The following AFF3 variants were observed in gnomAD, a reference collection of about 807,000 sequenced individuals.
AFF3 encodes ALF transcription elongation factor 3, also known as AF4/FMR2 family member 3.
A neutral mutation model predicts 129.7 loss-of-function variants in AFF3; 32 were observed. That is an observed-to-expected ratio of 0.25 (90% CI 0.19 to 0.33). The LOEUF (loss-of-function observed/expected upper bound fraction) is 0.33. AFF3 is among the 10% of genes least tolerant of loss of function. AFF3 has a pLI of 1.00. For synonymous variants in AFF3, 644 were observed against 635.4 expected, an observed-to-expected ratio of 1.01 and a Z score of -0.20; for missense variants, 1,373 against 1,592.0, an observed-to-expected ratio of 0.86 and a Z score of 2.34.
Position 99,548,479 on chromosome 2 carries a change from G to T in AFF3, c.*2995C>A, listed in dbSNP as rs1013000072. On this transcript the variant is annotated 3_prime_UTR_variant, in exon 25 of 25. Transcript: ENST00000672756. ...AACAAAACTAAACAGGCCAGGCATGGTGGCTCATGCACTTTGGGAGGCCGA... is the reference window on the plus strand; with the variant it reads ...AACAAAACTAAACAGGCCAGGCATGTTGGCTCATGCACTTTGGGAGGCCGA... The T allele has an allele frequency of 5.0e-5, 10 of 198,196 alleles. No homozygotes were observed. In the East Asian group the frequency reaches 7.9e-4, roughly 16 times the overall value. The allele number at this position is 198,196 out of a possible 1,614,324, so 12.3% of individuals were successfully genotyped here.
chr2:100,111,144 C>T (rs1691498172), intron 2 of AFF3, among the ~76,000 whole-genome samples: 1 of 152,204 alleles, frequency 6.6e-6, no homozygotes, highest in Non-Finnish European at 1.5e-5. Flanking sequence ...CTACCCAGAT[C>T]TGGACTTTTA....
intron 13 of AFF3, among the ~76,000 whole-genome samples, chr2:99,615,407 G>C (rs183837357): frequency 6.6e-6 from 1 of 152,242 alleles, no homozygotes; most frequent in South Asian, 2.1e-4. Flanking sequence ...GCTGCCTTCT[G>C]GTGATACAAC....
At position 99,627,289 on chromosome 2, in the gene AFF3, T is replaced by A. The variant is rs771501887; in HGVS notation, c.1184+22337A>T. Among the ~76,000 whole-genome samples the A allele has an allele frequency of 6.6e-5, 10 of 152,330 alleles. No homozygotes were observed. The South Asian group carries it at 1.0e-3, about 16-fold the overall frequency. On this transcript the variant is annotated intron_variant, in intron 13 of 24. Coordinates refer to ENST00000672756, the MANE Select transcript of AFF3 (RefSeq NM_001386135.1). ...CCATTCTGATTGGTGTGAGATGGTA[T>A]CTCAGTGTCGTTTTGATTTGCATTT...
chr2:99,913,600 T>C (rs749440171), intron 7 of AFF3, among the ~76,000 whole-genome samples: 1 of 152,198 alleles, frequency 6.6e-6, no homozygotes, highest in Non-Finnish European at 1.5e-5. Context: ...AATGAGCACA[T>C]GTGGTATCCG....
intron 8 of AFF3, among the ~76,000 whole-genome samples, chr2:99,767,723 C>T (rs1280542470): frequency 6.6e-6 from 1 of 152,066 alleles, no homozygotes; most frequent in Non-Finnish European, 1.5e-5. Context: ...TTTGGGAGGC[C>T]GAGGCGGGCG....
intron 7 of AFF3, among the ~76,000 whole-genome samples, chr2:99,870,623 C>A (rs1380321360): frequency 6.6e-6 from 1 of 152,236 alleles, no homozygotes; most frequent in Non-Finnish European, 1.5e-5. Flanking sequence ...CAATCCTCTG[C>A]AGGCCAGCAG....
chr2:99,561,412 A>G (rs1262706740), intron 20 of AFF3, among the ~76,000 whole-genome samples: 1 of 152,196 alleles, frequency 6.6e-6, no homozygotes, highest in African/African-American at 2.4e-5. Flanking sequence ...ATTTTACAAT[A>G]TACATGTAAT....
At chr2:99,764,002 T>G (rs1241830710) in intron 8 of AFF3, among the ~76,000 whole-genome samples, 1 of 152,122 alleles carries the variant, frequency 6.6e-6, no homozygotes, top group Non-Finnish European at 1.5e-5. Flanking sequence ...CATCAAAGGA[T>G]AAAATGGGGG....
At chr2:99,594,353 T>A in intron 14 of AFF3, 64 bp from the exon 15 acceptor site, 1 of 1,533,282 alleles carries the variant, frequency 6.5e-7, no homozygotes, top group Non-Finnish European at 8.8e-7. Flanking sequence ...AAAAGGGGCC[T>A]GGCTGTTTTT....
intron 10 of AFF3, among the ~76,000 whole-genome samples, chr2:99,742,045 G>A (rs1175825119): frequency 1.3e-5 from 2 of 152,084 alleles, no homozygotes; most frequent in Non-Finnish European, 2.9e-5. Flanking sequence ...CTGGGGTTTT[G>A]GAGAAAGATT....
chr2:99,589,504 C>A (rs1678453563), intron 15 of AFF3, among the ~76,000 whole-genome samples: 1 of 146,622 alleles, frequency 6.8e-6, no homozygotes, highest in Admixed American at 7.1e-5. Flanking sequence ...AGGGTTCAAG[C>A]GATTCTCCTG....
chr2:99,882,541 T>G (rs1692802024), intron 7 of AFF3, among the ~76,000 whole-genome samples: 1 of 152,112 alleles, frequency 6.6e-6, no homozygotes, highest in South Asian at 2.1e-4. Flanking sequence ...TGGGAAGCAC[T>G]CATCCCTCAC....
At chr2:99,774,625 A>C (rs959835990) in intron 8 of AFF3, among the ~76,000 whole-genome samples, 1 of 152,218 alleles carries the variant, frequency 6.6e-6, no homozygotes, top group Non-Finnish European at 1.5e-5. Flanking sequence ...TGCAAAACCC[A>C]AAACTAAAAA....
chr2:100,132,934 GT>G lies in AFF3; in HGVS notation c.-227-3629del, dbSNP rs551841808. On this transcript the variant is annotated intron_variant, in intron 1 of 24. Transcript: ENST00000672756. Reference sequence around the variant, plus strand: ...TGGGTTTTCTCAATGTTCTGTTTTTGTTTTTTTTTTTTAGATACGGGGTTTT... The same window carrying G: ...TGGGTTTTCTCAATGTTCTGTTTTTGTTTTTTTTTTTAGATACGGGGTTTT... Among the ~76,000 whole-genome samples, 83 of 140,902 alleles carry G rather than the reference GT, an allele frequency of 5.9e-4. 1 individual carries two copies. Among genetic ancestry groups the G allele is most frequent in the South Asian group, 3.9e-3 (17 of 4,374 alleles). The allele number at this position is 140,902 out of a possible 152,430, so 92.4% of individuals were successfully genotyped here. A position where few individuals can be genotyped will look rare whatever the true frequency, so the allele number is the denominator to read the frequency against.
Position 99,831,731 on chromosome 2 carries a change from T to C in AFF3, c.921+5746A>G, listed in dbSNP as rs1048112160. On this transcript the variant is annotated intron_variant, in intron 8 of 24. Coordinates refer to ENST00000672756, the MANE Select transcript of AFF3 (RefSeq NM_001386135.1). ...AGAAGAAAAAACTATAAAGATGTTA[T>C]GAAAATGTGAACGGACTATATGGAT... Among the ~76,000 whole-genome samples the C allele has an allele frequency of 1.3e-4, 20 of 152,238 alleles. 1 individual carries two copies. Among genetic ancestry groups the C allele is most frequent in the Non-Finnish European group, 1.5e-5 (1 of 68,042 alleles).
intron 13 of AFF3, among the ~76,000 whole-genome samples, chr2:99,616,861 C>G (rs1174062231): frequency 6.6e-6 from 1 of 152,214 alleles, no homozygotes; most frequent in Non-Finnish European, 1.5e-5. Flanking sequence ...CTTCCTGTAG[C>G]TATAAATTTG....
chr2:100,029,855 G>C (rs1684348012), intron 4 of AFF3, among the ~76,000 whole-genome samples: 1 of 152,088 alleles, frequency 6.6e-6, no homozygotes, highest in Non-Finnish European at 1.5e-5. Flanking sequence ...GCTTGAGCCT[G>C]GGAGTTTCAG....
At chr2:99,749,099 G>A (rs1305692336) in intron 9 of AFF3, among the ~76,000 whole-genome samples, 1 of 152,106 alleles carries the variant, frequency 6.6e-6, no homozygotes, top group East Asian at 1.9e-4. Context: ...TTAACAATGA[G>A]GGTAGATCTT....
At chr2:99,985,477 T>G (rs1679778609) in intron 7 of AFF3, among the ~76,000 whole-genome samples, 1 of 152,162 alleles carries the variant, frequency 6.6e-6, no homozygotes, top group Admixed American at 6.5e-5. Flanking sequence ...TTTGACCTTT[T>G]TAAAGGTAAA....
Sources: allele counts gnomAD v4.1 joint callset (sites outside exome capture counted in the v4.1 genomes callset), GRCh38; gene constraint gnomAD v4.1.1; transcripts MANE v1.5; gene names NCBI Gene and HGNC (gene_info 2026-07-23, HGNC 2026-07-21).